WDR73: variants seen among roughly 807,000 people sequenced by gnomAD.
WDR73 encodes integrator complex assembly factor WDR73.
WDR73 carries 30 observed loss-of-function variants against 38.2 expected under a neutral mutation model. The observed-to-expected ratio is 0.79, with a 90% CI of 0.59 to 1.06. WDR73 has a LOEUF of 1.06. Among genes scored for constraint, WDR73 ranks in the 50% least tolerant of loss-of-function variants. The probability of loss-of-function intolerance (pLI) is 0.00; values close to 1 mark genes in which losing one functional copy is unlikely to be tolerated. For synonymous variants in WDR73, 197 were observed against 176.0 expected (o/e 1.12, Z -0.94); for missense variants, 487 against 467.0 (o/e 1.04, Z -0.40).
At position 84,648,550 on chromosome 15, in the gene WDR73, C is replaced by T. The variant is rs1184801953; in HGVS notation, c.274G>A (p.Val92Met). The part of the protein sequence containing the change: ...SDRSIFDLKH[V>M]PHTRLLVTSG... ...AATTGACCATACCTGGTATGTGGCA[C>T]ATGCTTTAGATCAAAGATAGACCTG... Residue 92 changes from valine to methionine, a missense_variant, in exon 4 of 8, where the codon GTG becomes ATG. Transcript: ENST00000434634. 6.2e-7 allele frequency: 1 copy of T among 1,613,552 alleles called. No homozygotes were observed. Among genetic ancestry groups the T allele is most frequent in the African/African-American group, 1.3e-5 (1 of 74,926 alleles).
intron 2 of WDR73, 152 bp downstream of exon 2, chr15:84,653,480 A>G: frequency 1.7e-6 from 1 of 601,548 alleles, no homozygotes; most frequent in South Asian, 1.9e-5. Context: ...AGAGATCTTA[A>G]TAAGAGGAAT....
chr15:84,653,538 C>T (rs1467425756), intron 2 of WDR73, 94 bp downstream of exon 2: 7 of 865,864 alleles, frequency 8.1e-6, no homozygotes, highest in Non-Finnish European at 1.3e-5. Context: ...TCTCAGGTGC[C>T]CAGAAGAGTG....
intron 3 of WDR73, among the ~76,000 whole-genome samples, chr15:84,651,413 C>G (rs1896620378): frequency 6.6e-6 from 1 of 152,108 alleles, no homozygotes; most frequent in Admixed American, 6.5e-5. Context: ...GGTGACAGAG[C>G]AAGCCCTTGT....
At chr15:84,648,267 G>A in intron 4 of WDR73, 2 of 584,044 alleles carry the variant, frequency 3.4e-6, no homozygotes, top group South Asian at 2.2e-5. Context: ...CAATAGAAGA[G>A]CATCTTTCTG....
At position 84,643,311 on chromosome 15, in the gene WDR73, T is replaced by C. The variant is rs1384872717; in HGVS notation, c.*159A>G. The C allele has an allele frequency of 1.2e-6, 1 of 839,932 alleles. No individual in the cohort carries two copies. Among genetic ancestry groups the C allele is most frequent in the African/African-American group, 1.7e-5 (1 of 58,336 alleles). 52.0% of individuals were successfully genotyped at this position (839,932 alleles called of 1,614,324 possible). On this transcript the variant is annotated 3_prime_UTR_variant, in exon 8 of 8. Coordinates refer to ENST00000434634, the MANE Select transcript of WDR73 (RefSeq NM_032856.5). ...CGAGGTAGTTCTTACTATCCTCATT[T>C]TACAGATAAGGAAACTGAGGCTAAG...
intron 3 of WDR73, among the ~76,000 whole-genome samples, chr15:84,651,471 C>T (rs916822472): frequency 6.6e-6 from 1 of 152,132 alleles, no homozygotes; most frequent in Non-Finnish European, 1.5e-5. Flanking sequence ...TTCCTGCCCC[C>T]ACATGGCCCT....
At chr15:84,647,833 G>A (rs777790914) in intron 5 of WDR73, 57 bp downstream of exon 5, 5 of 1,523,666 alleles carry the variant, frequency 3.3e-6, no homozygotes, top group Non-Finnish European at 3.6e-6. Context: ...AGGGGACAGG[G>A]GTGTATGAGT....
At chr15:84,652,652 C>T in intron 3 of WDR73, 62 bp downstream of exon 3, 2 of 1,016,860 alleles carry the variant, frequency 2.0e-6, no homozygotes, top group Non-Finnish European at 2.8e-6. Flanking sequence ...ATAACAGGAG[C>T]TCCACAAATG....
chr15:84,654,213 T>C (rs1431363535), intron 1 of WDR73, 21 bp downstream of exon 1: 14 of 1,603,666 alleles, frequency 8.7e-6, no homozygotes, highest in Non-Finnish European at 1.0e-5. Context: ...AGCTCCCATG[T>C]CCCAGCCCCG....
intron 7 of WDR73, 62 bp from the exon 8 acceptor site, chr15:84,643,785 C>T: frequency 1.4e-6 from 2 of 1,477,604 alleles, no homozygotes; most frequent in African/African-American, 1.4e-5. Flanking sequence ...AAATAATTTT[C>T]TTTCTATTTT....
At chr15:84,647,848 CT>C (rs765543386) in intron 5 of WDR73, 41 bp downstream of exon 5, 99 of 1,603,998 alleles carry the variant, frequency 6.2e-5, no homozygotes, top group Non-Finnish European at 8.1e-5. Flanking sequence ...ATGAGTCACA[CT>C]TTCCTAGAAC....
Position 84,643,232 on chromosome 15 carries a change from A to G in WDR73, c.*238T>C, listed in dbSNP as rs914590548. The G allele has an allele frequency of 1.8e-6, 1 of 549,622 alleles. No homozygotes were observed. Among genetic ancestry groups the G allele is most frequent in the African/African-American group, 1.9e-5 (1 of 53,084 alleles). 34.0% of individuals were successfully genotyped at this position (549,622 alleles called of 1,614,324 possible). The stretch of plus-strand genomic sequence containing the variant: ...CCATTTCACACTCCCAGATCTAACA[A>G]TAGCTACCAAGTAATTATGCCATGC... On this transcript the variant is annotated 3_prime_UTR_variant, in exon 8 of 8. Transcript: ENST00000434634.
rs190993862 is a variant in WDR73, at chr15:84,653,757, C to T, written c.42-58G>A. ...ACAGCACTTCACAGCTCAAAGAACT[C>T]CAAGATGGCAGCCGCATGGTTCAGT... is the stretch of plus-strand genomic sequence containing the variant. On this transcript the variant is annotated intron_variant, in intron 1 of 7. Coordinates refer to ENST00000434634, the MANE Select transcript of WDR73 (RefSeq NM_032856.5). The T allele has an allele frequency of 1.8e-3, 2,418 of 1,373,888 alleles. 2 individuals carry two copies. Among genetic ancestry groups the T allele is most frequent in the Middle Eastern group, 2.2e-3 (12 of 5,376 alleles). The allele number at this position is 1,373,888 out of a possible 1,614,324, so 85.1% of individuals were successfully genotyped here.
At position 84,646,236 on chromosome 15, in the gene WDR73, G is replaced by T; in HGVS notation, c.465C>A (p.Leu155=). The change falls in exon 6 of 8, where the codon CTC becomes CTA. Residue 155 remains leucine, a synonymous_variant. Transcript: ENST00000434634. The part of the protein sequence containing the change: ...LAPGVLHGAR[L]RSLQVVDLES... The stretch of plus-strand genomic sequence containing the variant: ...CCAGATCAACGACCTGCAGACTTCG[G>T]AGCCTCGCCCCATGGAGGACTCCGG... 1 of 1,613,898 alleles carries T rather than the reference G, an allele frequency of 6.2e-7. No homozygotes were observed.
intron 3 of WDR73, among the ~76,000 whole-genome samples, chr15:84,651,520 C>T (rs547602030): frequency 6.6e-6 from 1 of 152,316 alleles, no homozygotes; most frequent in Non-Finnish European, 1.5e-5. Context: ...CCTCCCTTGT[C>T]CTCTGATGAC....
chr15:84,649,383 G>T (rs1567023987), intron 3 of WDR73, among the ~76,000 whole-genome samples: 1 of 152,284 alleles, frequency 6.6e-6, no homozygotes, highest in East Asian at 1.9e-4. Context: ...AAGCCTGACT[G>T]GAGATGGGGA....
rs745828681 is a variant in WDR73, at chr15:84,654,270, T to G, written c.5A>C (p.Asp2Ala). ...TTCCACCAGCCAGTCGTCCCCAGGA[T>G]CCATGGCAACGACCGCTTCCGGCGT... M[D>A]PGDDWLVESL... Residue 2 changes from aspartate (D) to alanine (A), a missense_variant, in exon 1 of 8, where the codon GAT (aspartate) becomes GCT (alanine). Transcript: ENST00000434634. 3.7e-6 allele frequency: 6 copies of G among 1,613,804 alleles called. No homozygotes were observed. In the African/African-American group the frequency reaches 4.0e-5, roughly 11 times the overall value.
In WDR73 at chr15:84,641,715, C is replaced by T. The variant is rs1049339458; in HGVS notation, c.*1755G>A. ...TATTTTTAGTAGAGACGGGGTTTCA[C>T]CATGTTGGCCAGGCTGGTCTTGAAC... On this transcript the variant is annotated 3_prime_UTR_variant, in exon 8 of 8. Transcript: ENST00000434634. The T allele has an allele frequency of 6.6e-6, 1 of 152,086 alleles. No individual in the cohort carries two copies. Among genetic ancestry groups the T allele is most frequent in the African/African-American group, 2.4e-5 (1 of 41,394 alleles). 9.4% of individuals were successfully genotyped at this position (152,086 alleles called of 1,614,324 possible). A position where few individuals can be genotyped will look rare whatever the true frequency, so the allele number is the denominator to read the frequency against.
chr15:84,646,155 A>G, intron 6 of WDR73, 29 bp downstream of exon 6: 1 of 1,612,882 alleles, frequency 6.2e-7, no homozygotes, highest in Non-Finnish European at 8.5e-7. Context: ...CGGCTGGAGC[A>G]GCAAGCAAGG....
Sources: allele counts gnomAD v4.1 joint callset (sites outside exome capture counted in the v4.1 genomes callset), GRCh38; gene constraint gnomAD v4.1.1; transcripts MANE v1.5; gene names NCBI Gene and HGNC (gene_info 2026-07-23, HGNC 2026-07-21).